The following STIP1 variants were observed in gnomAD, a reference collection of about 807,000 sequenced individuals.
STIP1 encodes the protein stress induced phosphoprotein 1, also known as stress-induced-phosphoprotein 1.
A neutral mutation model predicts 77.4 loss-of-function variants in STIP1; 16 were observed. The ratio of observed to expected loss-of-function variants is 0.21; its 90% CI spans 0.14 to 0.31. The LOEUF (loss-of-function observed/expected upper bound fraction) is 0.31, where lower values mean the gene tolerates loss of function less well. STIP1 is among the 10% of genes least tolerant of loss of function. STIP1 has a pLI of 1.00. For missense variants in STIP1, 524 were observed against 684.8 expected (o/e 0.77, Z 2.62); for synonymous variants, 258 against 246.6 (o/e 1.05, Z -0.44).
intron 8 of STIP1, among the ~76,000 whole-genome samples, chr11:64,198,516 ATTTT>A (rs1461870183): frequency 6.6e-6 from 1 of 151,890 alleles, no homozygotes; most frequent in Non-Finnish European, 1.5e-5. Flanking sequence ...CGTCCAGCTA[ATTTT>A]TTTATTTGTA....
intron 1 of STIP1, 138 bp downstream of exon 1, chr11:64,186,408 G>A: frequency 2.0e-6 from 2 of 987,946 alleles, no homozygotes; most frequent in Non-Finnish European, 2.6e-6. Flanking sequence ...CGGCGGCGGG[G>A]AGGTGAGGGC....
In STIP1 at chr11:64,187,866, G is replaced by C. The variant is rs532826140; in HGVS notation, c.9+1596G>C. Among the ~76,000 whole-genome samples, 50 of 151,948 alleles carry C rather than the reference G, an allele frequency of 3.3e-4. 1 individual carries two copies. The highest frequency in any genetic ancestry group is 3.2e-3 in the Admixed American group (49 of 15,242). On this transcript the variant is annotated intron_variant, in intron 1 of 13. Coordinates refer to ENST00000305218, the MANE Select transcript of STIP1 (RefSeq NM_006819.3). ...AATACAGAAGAAAAATTAGCCGGGC[G>C]TGGTGGCGGGAGCCTGTAGTCCCAG...
chr11:64,185,542 C>A (rs1047451991), upstream of STIP1: 29 of 475,656 alleles, frequency 6.1e-5, no homozygotes, highest in Non-Finnish European at 8.7e-5. Flanking sequence ...CCGGCTAGGA[C>A]CCCCATCCCG....
Position 64,193,231 on chromosome 11 carries a change from C to A in STIP1, c.163C>A (p.Gln55Lys). The A allele has an allele frequency of 6.2e-7, 1 of 1,614,200 alleles. No homozygotes were observed. The highest frequency in any genetic ancestry group is 8.5e-7 in the Non-Finnish European group (1 of 1,180,038). ...SAAYAKKGDY[Q>K]KAYEDGCKTV... ...TGCCTATGCCAAGAAAGGAGACTAC[C>A]AGAAGGCTTATGAGGATGGCTGCAA... The change falls in exon 2 of 14, where the codon CAG (glutamine) becomes AAG (lysine). Residue 55 changes from glutamine to lysine, a missense_variant. Gln to Lys is a moderately conservative substitution (Grantham distance 53). Transcript: ENST00000305218.
At chr11:64,189,808 G>A (rs1162121924) in intron 1 of STIP1, among the ~76,000 whole-genome samples, 1 of 152,072 alleles carries the variant, frequency 6.6e-6, no homozygotes, top group Non-Finnish European at 1.5e-5. Context: ...GCATAGGCAG[G>A]AACTTCACCA....
At chr11:64,199,513 A>G (rs1177899905) in intron 8 of STIP1, among the ~76,000 whole-genome samples, 2 of 146,590 alleles carry the variant, frequency 1.4e-5, no homozygotes, top group Non-Finnish European at 3.0e-5. Context: ...TCTCAAAAAA[A>G]AAAAAGAAAA....
At chr11:64,193,409 ATCC>A (rs1946114294) in intron 2 of STIP1, 122 bp downstream of exon 2, 3 of 836,182 alleles carry the variant, frequency 3.6e-6, no homozygotes, top group Admixed American at 2.3e-5. Context: ...CTGTTTGAGT[ATCC>A]TCCTCAGAAA....
intron 8 of STIP1, 23 bp downstream of exon 8, chr11:64,197,997 T>C (rs1470270490): frequency 4.4e-6 from 7 of 1,587,216 alleles, no homozygotes; most frequent in Non-Finnish European, 6.0e-6. Flanking sequence ...AGAATAGGGG[T>C]ATTTTCTTGT....
intron 1 of STIP1, among the ~76,000 whole-genome samples, chr11:64,187,900 G>A (rs1277670043): frequency 2.0e-5 from 3 of 152,144 alleles, no homozygotes; most frequent in African/African-American, 7.2e-5. Flanking sequence ...AGCTACTCGG[G>A]AGGCTGAGGC....
At position 64,197,604 on chromosome 11, in the gene STIP1, A is replaced by C; in HGVS notation, c.902+9A>C. 1 of 1,613,990 alleles carries C rather than the reference A, an allele frequency of 6.2e-7. No individual in the cohort carries two copies. The highest frequency in any genetic ancestry group is 8.5e-7 in the Non-Finnish European group (1 of 1,179,884). On this transcript the variant is annotated intron_variant, in intron 7 of 13. Transcript: ENST00000305218. ...TATCGACAGATTGCCAAGTAGGCTC[A>C]ACCTTCCAGAATACCTTGAGTAGCG...
intron 1 of STIP1, among the ~76,000 whole-genome samples, chr11:64,187,181 G>C (rs1946032596): frequency 6.6e-6 from 1 of 152,032 alleles, no homozygotes; most frequent in Admixed American, 6.6e-5. Flanking sequence ...TCAGTGACTT[G>C]GTTATGTCCT....
intron 1 of STIP1, among the ~76,000 whole-genome samples, chr11:64,191,526 A>T (rs949787853): frequency 6.6e-6 from 1 of 152,132 alleles, no homozygotes; most frequent in Non-Finnish European, 1.5e-5. Flanking sequence ...GAATCGCTTG[A>T]ACCTAGGAGG....
At chr11:64,202,990 T>C (rs1031824777) in intron 11 of STIP1, 78 bp downstream of exon 11, 2 of 1,606,476 alleles carry the variant, frequency 1.2e-6, no homozygotes, top group African/African-American at 1.3e-5. Context: ...TTTGTCTACC[T>C]GTGTGTCCTT....
At chr11:64,198,753 G>GTTTTTTTTTTTTTTTTTTTTTTTGTTT (rs371481270) in intron 8 of STIP1, among the ~76,000 whole-genome samples, 1 of 111,056 alleles carries the variant, frequency 9.0e-6, no homozygotes, top group Non-Finnish European at 1.8e-5. Flanking sequence ...TTTTTTTGTG[G>GTTTTTTTTTTTTTTTTTTTTTTTGTTT]TTTTTTTTTT....
chr11:64,197,113 A>G lies in STIP1; in HGVS notation c.673-158A>G. The G allele has an allele frequency of 4.4e-6, 4 of 905,420 alleles. No individual in the cohort carries two copies. The East Asian group carries it at 7.9e-5, about 18-fold the overall frequency. 56.1% of individuals were successfully genotyped at this position (905,420 alleles called of 1,614,324 possible). ...GTTAGTTTTCATTCTAACGGCTGAT[A>G]CTTTATTGTCTATAGCTGACTGATG... On this transcript the variant is annotated intron_variant, in intron 5 of 13. Transcript: ENST00000305218.
chr11:64,200,442 T>C (rs1392146783), intron 10 of STIP1, 149 bp downstream of exon 10: 6 of 1,294,480 alleles, frequency 4.6e-6, no homozygotes, highest in Non-Finnish European at 5.3e-6. Flanking sequence ...CCTGAGGAGC[T>C]AGGACCACAG....
chr11:64,187,399 G>T (rs1315500367), intron 1 of STIP1, among the ~76,000 whole-genome samples: 1 of 151,698 alleles, frequency 6.6e-6, no homozygotes, highest in Non-Finnish European at 1.5e-5. Context: ...ACTATACCTG[G>T]TATCTGGTTC....
intron 1 of STIP1, among the ~76,000 whole-genome samples, chr11:64,190,017 T>C (rs1046837733): frequency 5.3e-5 from 8 of 151,222 alleles, no homozygotes; most frequent in South Asian, 2.1e-4. Flanking sequence ...TTTTTTTTTT[T>C]CCAAATAGAG....
At chr11:64,190,706 T>C (rs1260166179) in intron 1 of STIP1, among the ~76,000 whole-genome samples, 1 of 152,192 alleles carries the variant, frequency 6.6e-6, no homozygotes, top group African/African-American at 2.4e-5. Context: ...TCACAGAACG[T>C]TTACCTCTTA....
Sources: allele counts gnomAD v4.1 joint callset (sites outside exome capture counted in the v4.1 genomes callset), GRCh38; gene constraint gnomAD v4.1.1; transcripts MANE v1.5; gene names NCBI Gene and HGNC (gene_info 2026-07-23, HGNC 2026-07-21).